The following CSMD1 variants were observed in gnomAD, a reference collection of about 807,000 sequenced individuals.
CSMD1 encodes the protein CUB and sushi domain-containing protein 1.
In CSMD1, 213 loss-of-function variants were observed where a neutral mutation model predicts 417.5. That is an observed-to-expected ratio of 0.51 (90% CI 0.46 to 0.57). CSMD1 has a LOEUF of 0.57. Ranked by LOEUF, CSMD1 falls within the 20% of genes least tolerant of loss-of-function variation. CSMD1 has a pLI of 0.00. For synonymous variants in CSMD1, 2,862 were observed against 1,736.8 expected (o/e 1.65, Z -16.11); for missense variants, 6,923 against 4,529.7 (o/e 1.53, Z -15.17).
chr8:3,698,111 G>A (rs1320553405), intron 7 of CSMD1, among the ~76,000 whole-genome samples: 1 of 152,046 alleles, frequency 6.6e-6, no homozygotes, highest in Non-Finnish European at 1.5e-5. Flanking sequence ...GAAACATCTT[G>A]TTTTGCTTCT....
intron 2 of CSMD1, among the ~76,000 whole-genome samples, chr8:4,574,700 A>T (rs927787946): frequency 1.3e-5 from 2 of 152,198 alleles, no homozygotes; most frequent in Non-Finnish European, 2.9e-5. Flanking sequence ...TGTGGGGAAA[A>T]CTGTCTTCTT....
intron 3 of CSMD1, among the ~76,000 whole-genome samples, chr8:4,404,925 G>C (rs909632468): frequency 6.6e-6 from 1 of 152,248 alleles, no homozygotes; most frequent in East Asian, 1.9e-4. Flanking sequence ...TATGATGTCA[G>C]TCATCCGATA....
chr8:3,022,144 C>T (rs2128971749), intron 51 of CSMD1, among the ~76,000 whole-genome samples: 2 of 149,896 alleles, frequency 1.3e-5, no homozygotes, highest in East Asian at 4.0e-4. Flanking sequence ...ATCCAGAATG[C>T]ACCTGCAATC....
chr8:3,438,409 C>G (rs1814717054), intron 12 of CSMD1, among the ~76,000 whole-genome samples: 2 of 152,122 alleles, frequency 1.3e-5, no homozygotes, highest in African/African-American at 4.8e-5. Context: ...CCCTTGATAG[C>G]TACACTTACT....
chr8:4,446,923 G>C (rs931747287), intron 2 of CSMD1, among the ~76,000 whole-genome samples: 3 of 147,610 alleles, frequency 2.0e-5, no homozygotes, highest in Non-Finnish European at 4.4e-5. Context: ...GCCTGGCAGA[G>C]ACCGTGTTTA....
intron 10 of CSMD1, among the ~76,000 whole-genome samples, chr8:3,508,907 C>G (rs993932741): frequency 3.9e-5 from 6 of 152,074 alleles, no homozygotes; most frequent in Non-Finnish European, 7.4e-5. Context: ...ATCCATGGAC[C>G]CTTGCACATA....
intron 25 of CSMD1, among the ~76,000 whole-genome samples, chr8:3,293,930 C>T (rs950714369): frequency 6.6e-6 from 1 of 152,122 alleles, no homozygotes; most frequent in Non-Finnish European, 1.5e-5. Context: ...AGTTTTTCTG[C>T]TCTGTTTTTT....
chr8:4,180,609 TACAAAACAAAACAGA>T (rs1798310287), intron 3 of CSMD1, among the ~76,000 whole-genome samples: 1 of 151,046 alleles, frequency 6.6e-6, no homozygotes, highest in Non-Finnish European at 1.5e-5. Context: ...TAAAATAAAA[TACAAAACAAAACAGA>T]ACAAAACAAA....
chr8:3,260,423 C>T (rs1278046877), intron 26 of CSMD1, among the ~76,000 whole-genome samples: 1 of 152,010 alleles, frequency 6.6e-6, no homozygotes, highest in Non-Finnish European at 1.5e-5. Context: ...AGTATATCCT[C>T]CAGCCCCATC....
chr8:4,737,375 A>C (rs913957963), intron 1 of CSMD1, among the ~76,000 whole-genome samples: 1 of 152,192 alleles, frequency 6.6e-6, no homozygotes, highest in Non-Finnish European at 1.5e-5. Flanking sequence ...CAGAAAAAAA[A>C]AATAACTAAT....
At chr8:4,428,491 T>C (rs1386368135) in intron 2 of CSMD1, among the ~76,000 whole-genome samples, 2 of 152,198 alleles carry the variant, frequency 1.3e-5, no homozygotes, top group African/African-American at 4.8e-5. Flanking sequence ...ATGCCTGGCA[T>C]ATGTGTATCT....
intron 7 of CSMD1, among the ~76,000 whole-genome samples, chr8:3,694,315 C>G (rs372068380): frequency 6.6e-6 from 1 of 152,138 alleles, no homozygotes; most frequent in East Asian, 2.0e-4. Flanking sequence ...TCCAGGAGCA[C>G]AGCAGCATGA....
At chr8:3,860,101 T>G (rs906427388) in intron 5 of CSMD1, among the ~76,000 whole-genome samples, 2 of 152,180 alleles carry the variant, frequency 1.3e-5, no homozygotes, top group Admixed American at 6.6e-5. Context: ...CTTTAAAAAG[T>G]TTGCCTTCAT....
At chr8:4,980,617 A>C (rs919429167) in intron 1 of CSMD1, among the ~76,000 whole-genome samples, 1 of 152,220 alleles carries the variant, frequency 6.6e-6, no homozygotes, top group Admixed American at 6.5e-5. Context: ...CAAAAATCTT[A>C]TCTAGCCAGG....
chr8:4,814,263 G>C (rs1034266017), intron 1 of CSMD1, among the ~76,000 whole-genome samples: 1 of 152,084 alleles, frequency 6.6e-6, no homozygotes, highest in Admixed American at 6.6e-5. Flanking sequence ...TGTGTGGTGG[G>C]GGATGGAGAT....
At chr8:3,842,069 AAC>A (rs1328896273) in intron 5 of CSMD1, among the ~76,000 whole-genome samples, 2 of 152,216 alleles carry the variant, frequency 1.3e-5, no homozygotes, top group Non-Finnish European at 2.9e-5. Flanking sequence ...TAGTTAATAA[AAC>A]ACACACTAAA....
intron 1 of CSMD1, among the ~76,000 whole-genome samples, chr8:4,805,420 G>C (rs1295909330): frequency 6.6e-6 from 1 of 152,064 alleles, no homozygotes; most frequent in Non-Finnish European, 1.5e-5. Context: ...TCATGTGACC[G>C]AGTCCTTGCC....
chr8:4,712,471 G>A (rs1302372838), intron 1 of CSMD1, among the ~76,000 whole-genome samples: 1 of 152,118 alleles, frequency 6.6e-6, no homozygotes, highest in Non-Finnish European at 1.5e-5. Context: ...TTTTTCCCAT[G>A]TCAAAGCAGA....
chr8:3,678,868 CTG>C (rs1799512602), intron 7 of CSMD1, among the ~76,000 whole-genome samples: 1 of 152,084 alleles, frequency 6.6e-6, no homozygotes, highest in Non-Finnish European at 1.5e-5. Flanking sequence ...CCAGAAAAGA[CTG>C]GGGGCCAATA....
Sources: allele counts gnomAD v4.1 joint callset (sites outside exome capture counted in the v4.1 genomes callset), GRCh38; gene constraint gnomAD v4.1.1; transcripts MANE v1.5; gene names NCBI Gene and HGNC (gene_info 2026-07-23, HGNC 2026-07-21).